The following KANSL1 variants were observed in gnomAD, a reference collection of about 807,000 sequenced individuals.
KANSL1 encodes the protein MLL1/MLL complex subunit KANSL1.
KANSL1 carries 22 observed loss-of-function variants against 103.6 expected under a neutral mutation model. The observed-to-expected ratio is 0.21, with a 90% CI of 0.15 to 0.30. The LOEUF (loss-of-function observed/expected upper bound fraction) is 0.30, where lower values mean the gene tolerates loss of function less well. Among genes scored for constraint, KANSL1 ranks in the 10% least tolerant of loss-of-function variants. KANSL1 has a pLI of 1.00. For missense variants in KANSL1, 1,337 were observed against 1,399.8 expected (o/e 0.96, Z 0.72); for synonymous variants, 600 against 527.6 (o/e 1.14, Z -1.88).
At chr17:46,150,899 T>A (rs62063240) in intron 2 of KANSL1, among the ~76,000 whole-genome samples, 5 of 143,960 alleles carry the variant, frequency 3.5e-5, no homozygotes, top group African/African-American at 1.3e-4. Context: ...TAAGAACAGC[T>A]AAGTTAACTG....
At chr17:46,071,652 G>C (rs1291789829) in intron 4 of KANSL1, among the ~76,000 whole-genome samples, 1 of 152,168 alleles carries the variant, frequency 6.6e-6, no homozygotes, top group Non-Finnish European at 1.5e-5. Context: ...CTACTGCAGT[G>C]GTTTACATCA....
chr17:46,150,733 GA>G (rs143342340), intron 2 of KANSL1, among the ~76,000 whole-genome samples: 2 of 151,990 alleles, frequency 1.3e-5, no homozygotes, highest in Admixed American at 6.6e-5. Context: ...GTGGGAAAAG[GA>G]AAAAAGGACA....
At chr17:46,200,173 AAGG>A (rs1446900356) in intron 1 of KANSL1, among the ~76,000 whole-genome samples, 1 of 152,204 alleles carries the variant, frequency 6.6e-6, no homozygotes, top group East Asian at 1.9e-4. Flanking sequence ...CCAAACATAG[AAGG>A]AGTATTCTAA....
chr17:46,032,361 C>T, intron 13 of KANSL1, 62 bp from the exon 14 acceptor site: 1 of 1,424,198 alleles, frequency 7.0e-7, no homozygotes, highest in Non-Finnish European at 9.3e-7. Flanking sequence ...GGGTAGAGGG[C>T]ATGAAAAAAG....
At chr17:46,152,919 C>T (rs1361891991) in intron 2 of KANSL1, 3 of 152,254 alleles carry the variant, frequency 2.0e-5, no homozygotes, top group Non-Finnish European at 4.4e-5. Context: ...CGATGAAACT[C>T]ATTCCATCTA....
chr17:46,084,868 T>C (rs2079108467), intron 3 of KANSL1, among the ~76,000 whole-genome samples: 1 of 152,110 alleles, frequency 6.6e-6, no homozygotes. Context: ...GCATAAGATA[T>C]ACCTTACAAA....
chr17:46,066,645 G>A lies in KANSL1; in HGVS notation c.1740C>T (p.Val580=), dbSNP rs1417432260. 1 of 1,614,160 alleles carries A rather than the reference G, an allele frequency of 6.2e-7. No homozygotes were observed. The highest frequency in any genetic ancestry group is 2.2e-5 in the East Asian group (1 of 44,880). Residue 580 remains valine (V), a synonymous_variant, in exon 6 of 15, where the codon GTC becomes GTT. Coordinates refer to ENST00000432791, the MANE Select transcript of KANSL1 (RefSeq NM_015443.4). ...QLHKKQRLNL[V]SSSSDGTCVA... ...CACAGGTGCCATCAGATGATGAAGA[G>A]ACGAGATTCAGTCGTTGCTTCTTAT...
At chr17:46,139,436 A>G (rs2044310922) in intron 2 of KANSL1, among the ~76,000 whole-genome samples, 1 of 152,224 alleles carries the variant, frequency 6.6e-6, no homozygotes. Flanking sequence ...TCTCTCTAAC[A>G]TCAATTTCTC....
intron 7 of KANSL1, chr17:46,040,768 G>C (rs1350840969): frequency 1.3e-5 from 2 of 152,182 alleles, no homozygotes; most frequent in East Asian, 3.8e-4. Context: ...CACCAATACT[G>C]AATCTTTCAA....
chr17:46,034,053 A>T, intron 11 of KANSL1, 108 bp downstream of exon 11: 1 of 1,332,262 alleles, frequency 7.5e-7, no homozygotes. Context: ...TCTCTTAATG[A>T]GAAGACAGAA....
chr17:46,170,929 A>T lies in KANSL1; in HGVS notation c.1215T>A (p.Ser405Arg). 6.2e-7 allele frequency: 1 copy of T among 1,614,158 alleles called. No individual in the cohort carries two copies. The highest frequency in any genetic ancestry group is 8.5e-7 in the Non-Finnish European group (1 of 1,180,044). Residue 405 changes from serine (S) to arginine (R), a missense_variant, in exon 2 of 15, where the codon AGT (serine) becomes AGA (arginine). Transcript: ENST00000432791. ...CAATATCAGACTCCCCTCCTGAACT[A>T]CTGTCAGTGACATCTGAATCAAATG... ...EQAFDSDVTD[S>R]SSGGESDIEE...
intron 3 of KANSL1, among the ~76,000 whole-genome samples, chr17:46,085,521 G>C (rs2079131225): frequency 6.6e-6 from 1 of 152,126 alleles, no homozygotes; most frequent in African/African-American, 2.4e-5. Flanking sequence ...ACAGGGTCAA[G>C]CTCTGTCACC....
chr17:46,143,410 C>T (rs1383732408), intron 2 of KANSL1, among the ~76,000 whole-genome samples: 2 of 152,204 alleles, frequency 1.3e-5, no homozygotes, highest in Non-Finnish European at 2.9e-5. Flanking sequence ...AGGAAAATCG[C>T]TTGAACCCGC....
chr17:46,199,178 G>T (rs2147971470), intron 1 of KANSL1, among the ~76,000 whole-genome samples: 1 of 152,356 alleles, frequency 6.6e-6, no homozygotes, highest in South Asian at 2.1e-4. Flanking sequence ...CCAACAGAAA[G>T]AAGCCAGTTA....
chr17:46,056,960 T>C (rs983997001), intron 6 of KANSL1, among the ~76,000 whole-genome samples: 1 of 152,194 alleles, frequency 6.6e-6, no homozygotes, highest in Non-Finnish European at 1.5e-5. Flanking sequence ...ACTACAGATA[T>C]TGCCAAATGT....
chr17:46,193,608 C>G, upstream of KANSL1: 1 of 277,576 alleles, frequency 3.6e-6, no homozygotes, highest in South Asian at 2.6e-5. Context: ...TCAGTCATGG[C>G]TCCTCGCCGT....
chr17:46,061,370 T>C (rs1357140669), intron 6 of KANSL1, among the ~76,000 whole-genome samples: 2 of 152,148 alleles, frequency 1.3e-5, no homozygotes, highest in Admixed American at 6.6e-5. Flanking sequence ...TCTGAAATCT[T>C]AGTACGTTTA....
chr17:46,044,904 G>A (rs1057459520), intron 7 of KANSL1: 2 of 152,114 alleles, frequency 1.3e-5, no homozygotes, highest in Non-Finnish European at 2.9e-5. Context: ...TCTGTCCTAT[G>A]GGGCCAGAAA....
chr17:46,067,865 T>C (rs900013607), intron 4 of KANSL1, among the ~76,000 whole-genome samples, 198 bp from the exon 5 acceptor site: 1 of 152,118 alleles, frequency 6.6e-6, no homozygotes, highest in Non-Finnish European at 1.5e-5. Flanking sequence ...ATTGCAGCAC[T>C]TTGGGAGGCC....
Sources: gnomAD v4.1 joint callset for allele counts (sites outside exome capture counted in the v4.1 genomes callset) on GRCh38, gnomAD v4.1.1 for gene constraint, MANE v1.5 for transcripts, NCBI Gene and HGNC (gene_info 2026-07-23, HGNC 2026-07-21) for gene names.